Variants in GPATCH2L observed in about 807,000 individuals in gnomAD.
GPATCH2L encodes the protein G-patch domain containing 2 like, also known as G patch domain-containing protein 2-like.
GPATCH2L carries 31 observed loss-of-function variants against 57.4 expected under a neutral mutation model. The ratio of observed to expected loss-of-function variants is 0.54; its 90% CI spans 0.41 to 0.73. GPATCH2L has a LOEUF of 0.73. Ranked by LOEUF, GPATCH2L falls within the 30% of genes least tolerant of loss-of-function variation. GPATCH2L has a pLI of 0.00. For missense variants in GPATCH2L, 481 were observed against 599.9 expected, an observed-to-expected ratio of 0.80 and a Z score of 2.07; for synonymous variants, 199 against 210.7, an observed-to-expected ratio of 0.94 and a Z score of 0.48.
rs116977511 is a variant in GPATCH2L at position 76,167,331 on chromosome 14, C to T, written c.727+604C>T. On this transcript the variant is annotated intron_variant, in intron 3 of 9. Coordinates refer to ENST00000261530, the MANE Select transcript of GPATCH2L (RefSeq NM_017926.4). ...AAGGGTATTTTAGAAAATGTTTGTC[C>T]TCTAGACTTGTGTGGGGCCACATGC... is the stretch of plus-strand genomic sequence containing the variant. Among the ~76,000 whole-genome samples the T allele has an allele frequency of 9.2e-5, 14 of 152,176 alleles. 1 individual carries two copies. In the East Asian group the frequency reaches 2.5e-3, roughly 27 times the overall value.
In GPATCH2L at chr14:76,206,716, C is replaced by T. The variant is rs1299502572; in HGVS notation, c.*4865C>T. Reference sequence around the variant, plus strand: ...CCTACTGAATCCGAAACTCCCAGCGCAAGGCCCAGCAGTCTTCAACAAGCC... The same window carrying T: ...CCTACTGAATCCGAAACTCCCAGCGTAAGGCCCAGCAGTCTTCAACAAGCC... On this transcript the variant is annotated 3_prime_UTR_variant, in exon 10 of 10. Coordinates refer to ENST00000261530, the MANE Select transcript of GPATCH2L (RefSeq NM_017926.4). 6.6e-6 allele frequency: 1 copy of T among 152,332 alleles called. No individual in the cohort carries two copies. Among genetic ancestry groups the T allele is most frequent in the Non-Finnish European group, 1.5e-5 (1 of 68,142 alleles). The allele number at this position is 152,332 out of a possible 1,614,324, so 9.4% of individuals were successfully genotyped here.
In GPATCH2L at chr14:76,151,937, G is replaced by A. The variant is rs1258483920; in HGVS notation, c.-65G>A. On this transcript the variant is annotated 5_prime_UTR_variant, in exon 1 of 10. Transcript: ENST00000261530. ...AAATGAGGTCAGAGAGGGAAGCCCC[G>A]GCGGTGAGAGTCGGCCCAAAAAGCG... The A allele has an allele frequency of 6.5e-6, 1 of 153,594 alleles. No homozygotes were observed. The highest frequency in any genetic ancestry group is 2.4e-5 in the African/African-American group (1 of 41,498). The allele number at this position is 153,594 out of a possible 1,614,324, so 9.5% of individuals were successfully genotyped here.
In GPATCH2L at chr14:76,205,179, A is replaced by C. The variant is rs2040360486; in HGVS notation, c.*3328A>C. ...GAGATGGGGTCTTGCTCTGTTGCCT[A>C]TGCTGGTCTTGAACTCCTAACCTCA... On this transcript the variant is annotated 3_prime_UTR_variant, in exon 10 of 10. Coordinates refer to ENST00000261530, the MANE Select transcript of GPATCH2L (RefSeq NM_017926.4). 1 of 152,244 alleles carries C rather than the reference A, an allele frequency of 6.6e-6. No homozygotes were observed. The highest frequency in any genetic ancestry group is 2.4e-5 in the African/African-American group (1 of 41,382). 9.4% of individuals were successfully genotyped at this position (152,244 alleles called of 1,614,324 possible).
intron 1 of GPATCH2L, among the ~76,000 whole-genome samples, 179 bp downstream of exon 1, chr14:76,152,170 G>C (rs1021211152): frequency 2.6e-5 from 4 of 152,166 alleles, no homozygotes; most frequent in African/African-American, 7.2e-5. Context: ...TGGGGATGTG[G>C]GTCGGGCCGT....
At chr14:76,190,367 T>C (rs1054301816) in intron 8 of GPATCH2L, among the ~76,000 whole-genome samples, 12 of 152,148 alleles carry the variant, frequency 7.9e-5, no homozygotes, top group African/African-American at 2.4e-4. Context: ...TTTAAATTCT[T>C]ATTTAAAAAT....
downstream of GPATCH2L, among the ~76,000 whole-genome samples, chr14:76,218,150 A>G (rs57844481): frequency 0.16 from 25,098 of 152,188 alleles, 2,170 homozygotes; most frequent in Middle Eastern, 0.33. Context: ...CATTGAAGTC[A>G]GGAACAAGAA....
downstream of GPATCH2L, among the ~76,000 whole-genome samples, chr14:76,217,630 CA>C (rs147446714): frequency 9.7e-3 from 1,478 of 151,924 alleles, 9 homozygotes; most frequent in Admixed American, 0.019. Flanking sequence ...ACACAGTAAG[CA>C]AACTAAAATA....
chr14:76,183,693 C>A (rs1352708784), intron 8 of GPATCH2L, among the ~76,000 whole-genome samples: 1 of 152,092 alleles, frequency 6.6e-6, no homozygotes, highest in Non-Finnish European at 1.5e-5. Context: ...ATACTGAGCT[C>A]TCAGGGCAAC....
intron 8 of GPATCH2L, among the ~76,000 whole-genome samples, chr14:76,192,463 A>G (rs981904125): frequency 2.6e-5 from 4 of 152,130 alleles, no homozygotes; most frequent in African/African-American, 9.7e-5. Context: ...CAACCTTGAA[A>G]TGGGTCTTAA....
At position 76,178,053 on chromosome 14, in the gene GPATCH2L, C is replaced by G. The variant is rs1347892527; in HGVS notation, c.1107+11C>G. On this transcript the variant is annotated intron_variant, in intron 7 of 9. Transcript: ENST00000261530. ...GCTTGTGCACATGAGGTAAGGTTTC[C>G]TCTTTCTTGTTATTTTGATTTTCTT... 1 of 1,589,006 alleles carries G rather than the reference C, an allele frequency of 6.3e-7. No individual in the cohort carries two copies. Among genetic ancestry groups the G allele is most frequent in the Non-Finnish European group, 8.6e-7 (1 of 1,159,420 alleles).
At chr14:76,220,825 A>G (rs925275819) in intron 1 of GPATCH2L, among the ~76,000 whole-genome samples, 2 of 152,214 alleles carry the variant, frequency 1.3e-5, no homozygotes, top group Non-Finnish European at 2.9e-5. Context: ...AAACATTACA[A>G]TTCTAAATTA....
rs1056112898 is a variant in GPATCH2L at position 76,211,293 on chromosome 14, C to G, written c.*9442C>G. 6.6e-6 allele frequency: 1 copy of G among 152,240 alleles called. No homozygotes were observed. The highest frequency in any genetic ancestry group is 1.5e-5 in the Non-Finnish European group (1 of 68,056). 9.4% of individuals were successfully genotyped at this position (152,240 alleles called of 1,614,324 possible). A position where few individuals can be genotyped will look rare whatever the true frequency, so the allele number is the denominator to read the frequency against. On this transcript the variant is annotated 3_prime_UTR_variant, in exon 10 of 10. Coordinates refer to ENST00000261530, the MANE Select transcript of GPATCH2L (RefSeq NM_017926.4). The stretch of plus-strand genomic sequence containing the variant: ...TATTGCCGTATTCCTCTGCTAAGCT[C>G]AGGGTGCATTCGTGGAAACCCTACT...
chr14:76,170,096 G>T (rs1353745231), intron 3 of GPATCH2L, among the ~76,000 whole-genome samples: 3 of 152,108 alleles, frequency 2.0e-5, no homozygotes, highest in Non-Finnish European at 4.4e-5. Context: ...TTTTTATAAG[G>T]GAACACTTTG....
intron 7 of GPATCH2L, among the ~76,000 whole-genome samples, chr14:76,180,518 G>A (rs564184756): frequency 1.4e-4 from 21 of 152,264 alleles, no homozygotes; most frequent in African/African-American, 5.1e-4. Context: ...ACTATTGTAT[G>A]TCAGAAGTTT....
At chr14:76,189,972 T>G (rs573702267) in intron 8 of GPATCH2L, among the ~76,000 whole-genome samples, 1 of 152,278 alleles carries the variant, frequency 6.6e-6, no homozygotes, top group Non-Finnish European at 1.5e-5. Context: ...AACTATTCCT[T>G]AAACTAGCTT....
intron 1 of GPATCH2L, chr14:76,153,144 G>A (rs1480633992): frequency 5.0e-6 from 1 of 201,272 alleles, no homozygotes; most frequent in Non-Finnish European, 1.0e-5. Context: ...CTGTCTTTAA[G>A]TTCATTGGCA....
chr14:76,193,023 C>T (rs924917453), intron 8 of GPATCH2L, among the ~76,000 whole-genome samples: 10 of 152,026 alleles, frequency 6.6e-5, no homozygotes, highest in African/African-American at 2.2e-4. Flanking sequence ...TTAACAATAT[C>T]GCCTAGAGGA....
At chr14:76,201,636 T>G in intron 9 of GPATCH2L, 55 bp from the exon 10 acceptor site, 1 of 1,381,210 alleles carries the variant, frequency 7.2e-7, no homozygotes, top group East Asian at 2.5e-5. Flanking sequence ...TAATTTGTCT[T>G]ATTCTAATTT....
intron 1 of GPATCH2L, among the ~76,000 whole-genome samples, chr14:76,229,202 G>A (rs2040549449): frequency 6.6e-6 from 1 of 152,232 alleles, no homozygotes; most frequent in African/African-American, 2.4e-5. Context: ...CTTAGGAGTG[G>A]CGTGAGTGAA....
Sources: gnomAD v4.1 joint callset for allele counts (sites outside exome capture counted in the v4.1 genomes callset) on GRCh38, gnomAD v4.1.1 for gene constraint, MANE v1.5 for transcripts, NCBI Gene and HGNC (gene_info 2026-07-23, HGNC 2026-07-21) for gene names.